Variants in ZFHX4 observed in about 807,000 individuals in gnomAD.
ZFHX4 encodes zinc finger homeobox protein 4.
ZFHX4 carries 56 observed loss-of-function variants against 267.6 expected under a neutral mutation model. That is an observed-to-expected ratio of 0.21 (90% CI 0.17 to 0.26). ZFHX4 has a LOEUF of 0.26. Ranked by LOEUF, ZFHX4 falls within the 10% of genes least tolerant of loss-of-function variation. The pLI is 1.00. For missense variants in ZFHX4, 4,332 were observed against 4,420.0 expected (o/e 0.98, Z 0.56); for synonymous variants, 1,778 against 1,665.6 (o/e 1.07, Z -1.64).
intron 3 of ZFHX4, among the ~76,000 whole-genome samples, chr8:76,728,689 G>A (rs1439837783): frequency 2.0e-5 from 3 of 152,068 alleles, no homozygotes; most frequent in African/African-American, 7.2e-5. Context: ...CCATCAAAAT[G>A]AGGTCCTTGC....
intron 4 of ZFHX4, among the ~76,000 whole-genome samples, chr8:76,828,376 G>T (rs1811842241): frequency 6.6e-6 from 1 of 152,082 alleles, no homozygotes; most frequent in African/African-American, 2.4e-5. Context: ...CAGAGCTTTG[G>T]AGTCAGACAC....
rs145222380 is a variant in ZFHX4, at chr8:76,847,273, G to A, written c.3512-1722G>A. ...TTGATTCCAGACTTAATTATGACAAGGTAATAGGAATTATGACTTTCCTAT... is the reference window on the plus strand; with the variant it reads ...TTGATTCCAGACTTAATTATGACAAAGTAATAGGAATTATGACTTTCCTAT... On this transcript the variant is annotated intron_variant, in intron 6 of 10. Transcript: ENST00000651372. Among the ~76,000 whole-genome samples, 477 of 152,054 alleles carry A rather than the reference G, an allele frequency of 3.1e-3. 5 individuals carry two copies. The highest frequency in any genetic ancestry group is 0.011 in the African/African-American group (462 of 41,490).
intron 3 of ZFHX4, among the ~76,000 whole-genome samples, chr8:76,712,137 C>T (rs1308118623): frequency 6.6e-6 from 1 of 152,056 alleles, no homozygotes; most frequent in African/African-American, 2.4e-5. Context: ...AAGCAGTGAA[C>T]AAATTGCCTG....
chr8:76,787,182 C>T (rs1026941403), intron 4 of ZFHX4, among the ~76,000 whole-genome samples: 2 of 152,124 alleles, frequency 1.3e-5, no homozygotes, highest in Non-Finnish European at 2.9e-5. Context: ...AAAAACATGT[C>T]TTTGCATTTC....
intron 6 of ZFHX4, among the ~76,000 whole-genome samples, chr8:76,846,146 C>T (rs894263745): frequency 2.0e-5 from 3 of 151,912 alleles, no homozygotes; most frequent in Non-Finnish European, 4.4e-5. Flanking sequence ...CCAGGGATGC[C>T]ATAATATGAA....
In ZFHX4 at chr8:76,788,755, A is replaced by C. The variant is rs552558631; in HGVS notation, c.3325+10316A>C. ...AAACCAAATAATTGCATTTTGTTAT[A>C]AAGAGCCAGGTTTTTAGTTCTTTGT... On this transcript the variant is annotated intron_variant, in intron 4 of 10. Transcript: ENST00000651372. Among the ~76,000 whole-genome samples, 3 of 152,314 alleles carry C rather than the reference A, an allele frequency of 2.0e-5. No individual in the cohort carries two copies. The South Asian group carries it at 6.2e-4, about 32-fold the overall frequency.
Position 76,864,073 on chromosome 8 carries a change from T to C in ZFHX4, c.10359T>C (p.Asp3453=), listed in dbSNP as rs1308734659. Residue 3453 remains aspartate (D), a synonymous_variant, in exon 11 of 11, where the codon GAT becomes GAC. Coordinates refer to ENST00000651372, the MANE Select transcript of ZFHX4 (RefSeq NM_024721.5). ...PVSKYQCLAC[D]VAISGNEALS... ...GCAAATATCAGTGTCTTGCCTGTGA[T>C]GTGGCTATCAGTGGGAATGAAGCAC... 4 of 1,613,784 alleles carry C rather than the reference T, an allele frequency of 2.5e-6. No individual in the cohort carries two copies. Among genetic ancestry groups the C allele is most frequent in the Non-Finnish European group, 2.5e-6 (3 of 1,179,878 alleles).
chr8:76,848,695 T>C (rs1289472178), intron 6 of ZFHX4, among the ~76,000 whole-genome samples: 2 of 152,188 alleles, frequency 1.3e-5, no homozygotes, highest in African/African-American at 4.8e-5. Flanking sequence ...TTTGCTTTAA[T>C]GTGGTAAAGG....
At chr8:76,781,284 T>A (rs893369814) in intron 4 of ZFHX4, among the ~76,000 whole-genome samples, 2 of 152,146 alleles carry the variant, frequency 1.3e-5, no homozygotes, top group Non-Finnish European at 2.9e-5. Flanking sequence ...TTGCACATTA[T>A]TAATTATTCA....
At chr8:76,857,588 T>C (rs891543483) in intron 10 of ZFHX4, among the ~76,000 whole-genome samples, 1 of 152,044 alleles carries the variant, frequency 6.6e-6, no homozygotes. Context: ...GCTTACCTGG[T>C]TTTCTGTTCT....
At chr8:76,778,960 C>G (rs576841095) in intron 4 of ZFHX4, among the ~76,000 whole-genome samples, 44 of 152,310 alleles carry the variant, frequency 2.9e-4, no homozygotes, top group African/African-American at 9.9e-4. Flanking sequence ...GAGCGCTTAA[C>G]TTGTTTTTGC....
Position 76,864,265 on chromosome 8 carries a change from T to C in ZFHX4, c.10551T>C (p.His3517=), listed in dbSNP as rs1384215436. The change falls in exon 11 of 11, where the codon CAT becomes CAC. Residue 3517 remains histidine (H), a synonymous_variant. Coordinates refer to ENST00000651372, the MANE Select transcript of ZFHX4 (RefSeq NM_024721.5). ...CTTCTTCTAATAACACCTATCCTCA[T>C]CTTTCTTGCTTCTCCATGAAGTCCT... ...SAASSNNTYP[H]LSCFSMKSWP... The C allele has an allele frequency of 1.2e-6, 2 of 1,613,786 alleles. No homozygotes were observed. Among genetic ancestry groups the C allele is most frequent in the African/African-American group, 2.7e-5 (2 of 74,922 alleles).
At chr8:76,836,027 A>C (rs1306446012) in intron 5 of ZFHX4, among the ~76,000 whole-genome samples, 1 of 152,178 alleles carries the variant, frequency 6.6e-6, no homozygotes, top group Non-Finnish European at 1.5e-5. Flanking sequence ...CACACCGTAG[A>C]CTTAGTTGCA....
chr8:76,705,192 T>C lies in ZFHX4; in HGVS notation c.1104T>C (p.His368=), dbSNP rs763397631. The C allele has an allele frequency of 1.9e-6, 3 of 1,613,860 alleles. No individual in the cohort carries two copies. The East Asian group carries it at 6.7e-5, about 36-fold the overall frequency. The part of the protein sequence containing the change: ...PTFRGLWSAF[H]VENGDSLPAG... ...TCCGCGGTTTATGGAGCGCTTTTCATGTTGAAAATGGTGACTCTTTGCCGG... is the reference window on the plus strand; with the variant it reads ...TCCGCGGTTTATGGAGCGCTTTTCACGTTGAAAATGGTGACTCTTTGCCGG... Residue 368 remains histidine, a synonymous_variant, in exon 2 of 11, where the codon CAT becomes CAC. Transcript: ENST00000651372.
intron 3 of ZFHX4, among the ~76,000 whole-genome samples, chr8:76,775,366 T>A (rs1343888945): frequency 6.6e-6 from 1 of 152,184 alleles, no homozygotes; most frequent in Non-Finnish European, 1.5e-5. Flanking sequence ...AAATGTACGC[T>A]GGGTAAGAAA....
intron 4 of ZFHX4, among the ~76,000 whole-genome samples, chr8:76,832,490 G>T (rs926938059): frequency 6.6e-6 from 1 of 152,194 alleles, no homozygotes; most frequent in East Asian, 1.9e-4. Flanking sequence ...TTTTATGAGG[G>T]ATTGGATTGG....
intron 3 of ZFHX4, among the ~76,000 whole-genome samples, chr8:76,764,008 T>C (rs1327978296): frequency 6.6e-6 from 1 of 152,306 alleles, no homozygotes; most frequent in Non-Finnish European, 1.5e-5. Context: ...TCTCATCACA[T>C]GGTTTGGTCT....
chr8:76,854,195 C>G lies in ZFHX4; in HGVS notation c.7274C>G (p.Thr2425Ser), dbSNP rs1270789399. ...QSDPSPPSQG[T>S]KPALPLASTS... is the part of the protein sequence containing the mutation. ...GACCCCTCTCCCCCTTCTCAAGGCA[C>G]CAAACCAGCCCTGCCATTAGCATCG... Residue 2425 changes from threonine (T) to serine (S), a missense_variant, in exon 10 of 11, where the codon ACC becomes AGC. Thr to Ser is a moderately conservative substitution (Grantham distance 58, BLOSUM62 1). Coordinates refer to ENST00000651372, the MANE Select transcript of ZFHX4 (RefSeq NM_024721.5). 4 of 1,568,014 alleles carry G rather than the reference C, an allele frequency of 2.6e-6. No homozygotes were observed. The highest frequency in any genetic ancestry group is 3.5e-6 in the Non-Finnish European group (4 of 1,156,568).
intron 4 of ZFHX4, among the ~76,000 whole-genome samples, chr8:76,779,013 T>C (rs1276517862): frequency 3.9e-5 from 6 of 152,206 alleles, no homozygotes; most frequent in Non-Finnish European, 7.4e-5. Context: ...ACGTTTTGAA[T>C]GGCATTCCAA....
Sources: gnomAD v4.1 joint callset for allele counts (sites outside exome capture counted in the v4.1 genomes callset) on GRCh38, gnomAD v4.1.1 for gene constraint, MANE v1.5 for transcripts, NCBI Gene and HGNC (gene_info 2026-07-23, HGNC 2026-07-21) for gene names.